Variants in ABCC4 observed in about 807,000 individuals in gnomAD.
ABCC4 encodes the protein ATP-binding cassette sub-family C member 4.
A neutral mutation model predicts 168.5 loss-of-function variants in ABCC4; 102 were observed. The ratio of observed to expected loss-of-function variants is 0.61; its 90% CI spans 0.52 to 0.71. The LOEUF (loss-of-function observed/expected upper bound fraction) is 0.71, where lower values mean the gene tolerates loss of function less well. Among genes scored for constraint, ABCC4 ranks in the 30% least tolerant of loss-of-function variants. The pLI is 0.00. For missense variants in ABCC4, 1,402 were observed against 1,605.8 expected (o/e 0.87, Z 2.17); for synonymous variants, 617 against 590.7 (o/e 1.04, Z -0.65).
At chr13:95,156,724 T>C (rs1304732787) in intron 19 of ABCC4, among the ~76,000 whole-genome samples, 1 of 151,992 alleles carries the variant, frequency 6.6e-6, no homozygotes, top group Non-Finnish European at 1.5e-5. Flanking sequence ...CGTGATCCCA[T>C]CACCAACCTA....
At chr13:95,267,370 G>A (rs918536084) in intron 1 of ABCC4, among the ~76,000 whole-genome samples, 9 of 152,212 alleles carry the variant, frequency 5.9e-5, no homozygotes, top group Non-Finnish European at 1.2e-4. Context: ...CTGCCACCAT[G>A]TGAGATGTGT....
At chr13:95,187,326 C>T (rs1304223475) in intron 10 of ABCC4, among the ~76,000 whole-genome samples, 1 of 152,192 alleles carries the variant, frequency 6.6e-6, no homozygotes, top group Non-Finnish European at 1.5e-5. Flanking sequence ...ATATCCTGGC[C>T]AGGTGCAGTG....
At chr13:95,137,850 T>C (rs1039211348) in intron 19 of ABCC4, among the ~76,000 whole-genome samples, 2 of 152,200 alleles carry the variant, frequency 1.3e-5, no homozygotes. Flanking sequence ...CCATGTATGT[T>C]TTTAACATTG....
intron 1 of ABCC4, among the ~76,000 whole-genome samples, chr13:95,268,448 T>C (rs1262849453): frequency 2.0e-5 from 3 of 152,116 alleles, no homozygotes; most frequent in African/African-American, 7.2e-5. Context: ...AAAGGGTCTG[T>C]GCTGAGGAGG....
At chr13:95,093,477 C>T (rs1187506380) in intron 20 of ABCC4, among the ~76,000 whole-genome samples, 1 of 151,984 alleles carries the variant, frequency 6.6e-6, no homozygotes, top group Non-Finnish European at 1.5e-5. Context: ...AAAAAGCATT[C>T]GACAAAATCC....
At chr13:95,138,561 T>C (rs2036211275) in intron 19 of ABCC4, among the ~76,000 whole-genome samples, 1 of 152,124 alleles carries the variant, frequency 6.6e-6, no homozygotes, top group Non-Finnish European at 1.5e-5. Flanking sequence ...CGATGGCTCA[T>C]GCCTGGAATC....
chr13:95,025,885 C>G (rs111363254), intron 30 of ABCC4, among the ~76,000 whole-genome samples: 6,152 of 152,028 alleles, frequency 0.04, 177 homozygotes, highest in Middle Eastern at 0.085. Flanking sequence ...CATGAGTTGA[C>G]AGTGGTCAAA....
At chr13:95,213,011 C>T (rs2039006245) in intron 4 of ABCC4, among the ~76,000 whole-genome samples, 1 of 152,018 alleles carries the variant, frequency 6.6e-6, no homozygotes, top group South Asian at 2.1e-4. Flanking sequence ...CCTGTAATCC[C>T]AGCTACTCAG....
rs181799907 is a variant in ABCC4 at position 95,099,385 on chromosome 13, T to C, written c.2536-16095A>G. 1.2e-4 allele frequency among the ~76,000 whole-genome samples: 18 copies of C among 152,218 alleles called. 1 individual carries two copies. Among genetic ancestry groups the C allele is most frequent in the Admixed American group, 9.1e-4 (14 of 15,302 alleles). ...GAGCAAAGGAGACTTCCTGAGGAGA[T>C]GGAAATGCTCTACATCTTGTTTTAG... is the stretch of plus-strand genomic sequence containing the variant. On this transcript the variant is annotated intron_variant, in intron 20 of 30. Transcript: ENST00000645237.
intron 1 of ABCC4, among the ~76,000 whole-genome samples, chr13:95,287,825 G>C (rs371268064): frequency 6.6e-6 from 1 of 151,752 alleles, no homozygotes; most frequent in African/African-American, 2.4e-5. Flanking sequence ...GGCAGATCAC[G>C]AAGTTAGGAG....
chr13:95,081,604 G>A (rs1003337258), intron 21 of ABCC4, among the ~76,000 whole-genome samples: 1 of 152,142 alleles, frequency 6.6e-6, no homozygotes, highest in Non-Finnish European at 1.5e-5. Context: ...TAGACCTCAT[G>A]GTAGCTTAGC....
intron 26 of ABCC4, among the ~76,000 whole-genome samples, chr13:95,059,479 G>A (rs1260286147): frequency 6.6e-6 from 1 of 152,226 alleles, no homozygotes; most frequent in Non-Finnish European, 1.5e-5. Flanking sequence ...ACCAGTGTCG[G>A]CTGCCTGCTC....
At chr13:95,150,332 C>G (rs2036633501) in intron 19 of ABCC4, among the ~76,000 whole-genome samples, 1 of 152,194 alleles carries the variant, frequency 6.6e-6, no homozygotes, top group Non-Finnish European at 1.5e-5. Context: ...CTAAGACAGG[C>G]TTTCCAGGTG....
intron 17 of ABCC4, 117 bp downstream of exon 17, chr13:95,163,493 A>C (rs979440954): frequency 2.0e-6 from 2 of 1,006,704 alleles, no homozygotes; most frequent in African/African-American, 3.3e-5. Context: ...TTCTTCGGGT[A>C]AACGAAGTGA....
At chr13:95,185,020 TG>T (rs2038013641) in intron 11 of ABCC4, among the ~76,000 whole-genome samples, 1 of 152,160 alleles carries the variant, frequency 6.6e-6, no homozygotes, top group African/African-American at 2.4e-5. Flanking sequence ...CAGGGGACAG[TG>T]GGGGGACACC....
intron 9 of ABCC4, among the ~76,000 whole-genome samples, chr13:95,190,435 G>A (rs1038933247): frequency 6.6e-6 from 1 of 152,228 alleles, no homozygotes; most frequent in Non-Finnish European, 1.5e-5. Flanking sequence ...AGAGGATTAA[G>A]TGTGTATCAG....
chr13:95,123,404 C>T (rs2139430357), intron 19 of ABCC4, among the ~76,000 whole-genome samples: 1 of 152,264 alleles, frequency 6.6e-6, no homozygotes, highest in East Asian at 1.9e-4. Flanking sequence ...ACTCTGTTGC[C>T]CAGGCTGAAG....
At chr13:95,147,068 T>C (rs1448803778) in intron 19 of ABCC4, among the ~76,000 whole-genome samples, 1 of 152,232 alleles carries the variant, frequency 6.6e-6, no homozygotes, top group Non-Finnish European at 1.5e-5. Flanking sequence ...AGTTCAGAGC[T>C]GAGGGCCTTT....
chr13:95,196,510 T>A (rs1448747342), intron 8 of ABCC4, among the ~76,000 whole-genome samples: 1 of 149,398 alleles, frequency 6.7e-6, no homozygotes, highest in Non-Finnish European at 1.5e-5. Flanking sequence ...TCCTCCCTCA[T>A]TGCACTCCAG....
Sources: allele counts gnomAD v4.1 joint callset (sites outside exome capture counted in the v4.1 genomes callset), GRCh38; gene constraint gnomAD v4.1.1; transcripts MANE v1.5; gene names NCBI Gene and HGNC (gene_info 2026-07-23, HGNC 2026-07-21).